OR52A1: variants seen among roughly 807,000 people sequenced by gnomAD.
OR52A1 encodes olfactory receptor 52A1.
In OR52A1, 14 loss-of-function variants were observed where a neutral mutation model predicts 14.3. That is an observed-to-expected ratio of 0.98 (90% confidence interval 0.65 to 1.54). The LOEUF (loss-of-function observed/expected upper bound fraction) is 1.54. Ranked by LOEUF, OR52A1 falls within the 40% of genes most tolerant of loss-of-function variation. The pLI, the probability that OR52A1 is intolerant of heterozygous loss-of-function variation, is 0.00. For synonymous variants in OR52A1, 151 were observed against 135.3 expected, an observed-to-expected ratio of 1.12 and a Z score of -0.80; for missense variants, 405 against 381.3, an observed-to-expected ratio of 1.06 and a Z score of -0.52.
In OR52A1 at chr11:5,147,742, G is replaced by A. The variant is rs1310821950; in HGVS notation, c.*3689C>T. The A allele has an allele frequency of 2.6e-5, 4 of 151,590 alleles. No individual in the cohort carries two copies. The highest frequency in any genetic ancestry group is 5.9e-5 in the Non-Finnish European group (4 of 67,936). The allele number at this position is 151,590 out of a possible 1,614,324, so 9.4% of individuals were successfully genotyped here. On this transcript the variant is annotated 3_prime_UTR_variant, in exon 2 of 2. Coordinates refer to ENST00000380367, the MANE Select transcript of OR52A1 (RefSeq NM_012375.3). ...AAGAATCCTTATTAATACAAATTCT[G>A]AGCAATTTTAGAAATTATAAATAGA...
In OR52A1 at chr11:5,150,539, C is replaced by A. The variant is rs1221883639; in HGVS notation, c.*892G>T. 6.6e-6 allele frequency: 1 copy of A among 152,110 alleles called. No individual in the cohort carries two copies. Among genetic ancestry groups the A allele is most frequent in the Non-Finnish European group, 1.5e-5 (1 of 68,018 alleles). The allele number at this position is 152,110 out of a possible 1,614,324, so 9.4% of individuals were successfully genotyped here. ...TCAAGAATCAGAGGTAACTACCTAA[C>A]CAAAAAACAAAATACAATAAATGCA... is the stretch of plus-strand genomic sequence containing the variant. On this transcript the variant is annotated 3_prime_UTR_variant, in exon 2 of 2. Coordinates refer to ENST00000380367, the MANE Select transcript of OR52A1 (RefSeq NM_012375.3).
Position 5,146,856 on chromosome 11 carries a change from G to A in OR52A1, c.*4575C>T, listed in dbSNP as rs555817191. On this transcript the variant is annotated 3_prime_UTR_variant, in exon 2 of 2. Coordinates refer to ENST00000380367, the MANE Select transcript of OR52A1 (RefSeq NM_012375.3). ...ATGTTAGTCTCAGACCTTGCATGGAGGCGACCACAGTTACTGTCCTCTGTT... is the reference window on the plus strand; with the variant it reads ...ATGTTAGTCTCAGACCTTGCATGGAAGCGACCACAGTTACTGTCCTCTGTT... 6.6e-6 allele frequency: 1 copy of A among 152,292 alleles called. No homozygotes were observed. The highest frequency in any genetic ancestry group is 1.9e-4 in the East Asian group (1 of 5,190). 9.4% of individuals were successfully genotyped at this position (152,292 alleles called of 1,614,324 possible). A position where few individuals can be genotyped will look rare whatever the true frequency, so the allele number is the denominator to read the frequency against.
rs1051730090 is a variant in OR52A1, at chr11:5,151,264, A to T, written c.*167T>A. 4.0e-5 allele frequency: 24 copies of T among 606,438 alleles called. No homozygotes were observed. Among genetic ancestry groups the T allele is most frequent in the Non-Finnish European group, 5.8e-6 (2 of 343,268 alleles). The allele number at this position is 606,438 out of a possible 1,614,324, so 37.6% of individuals were successfully genotyped here. ...CACTTCTCACTTTCATTAGTCACGT[A>T]GAATTCACAATCCCACTGATTGATA... On this transcript the variant is annotated 3_prime_UTR_variant, in exon 2 of 2. Coordinates refer to ENST00000380367, the MANE Select transcript of OR52A1 (RefSeq NM_012375.3).
rs1268736651 is a variant in OR52A1, at chr11:5,149,006, A to G, written c.*2425T>C. The G allele has an allele frequency of 6.6e-6, 1 of 152,160 alleles. No individual in the cohort carries two copies. The highest frequency in any genetic ancestry group is 1.5e-5 in the Non-Finnish European group (1 of 68,024). 9.4% of individuals were successfully genotyped at this position (152,160 alleles called of 1,614,324 possible). ...GAAGTTAATTTTATGATTTCTAGAA[A>G]CCTTTCTTGAAAATTATCCTTACAA... On this transcript the variant is annotated 3_prime_UTR_variant, in exon 2 of 2. Coordinates refer to ENST00000380367, the MANE Select transcript of OR52A1 (RefSeq NM_012375.3).
In OR52A1 at chr11:5,148,937, G is replaced by A. The variant is rs61400392; in HGVS notation, c.*2494C>T. On this transcript the variant is annotated 3_prime_UTR_variant, in exon 2 of 2. Transcript: ENST00000380367. ...ATAACTAGTGTTGTTAAGAATTTAGGCAAACATTATTTTAGTCATTGTTGA... is the reference window on the plus strand; with the variant it reads ...ATAACTAGTGTTGTTAAGAATTTAGACAAACATTATTTTAGTCATTGTTGA... 4.8e-3 allele frequency: 732 copies of A among 152,232 alleles called. 6 individuals carry two copies. Among genetic ancestry groups the A allele is most frequent in the African/African-American group, 0.017 (699 of 41,510 alleles). 9.4% of individuals were successfully genotyped at this position (152,232 alleles called of 1,614,324 possible).
rs758818626 is a variant in OR52A1 at position 5,152,091 on chromosome 11, TTCAGGCAC to T, written c.271_278del (p.Val91AsnfsTer4). On this transcript the variant is annotated frameshift_variant, in exon 2 of 2. Coordinates refer to ENST00000380367, the MANE Select transcript of OR52A1 (RefSeq NM_012375.3). LOFTEE classifies it high-confidence loss of function. ...GAAGCAAGCAGGAATCAAAATAGAT[TTCAGGCAC>T]ATTAAACCAGAATATTCCAAGCATC... is the stretch of plus-strand genomic sequence containing the variant. 2 of 1,614,052 alleles carry T rather than the reference TTCAGGCAC, an allele frequency of 1.2e-6. No homozygotes were observed. Among genetic ancestry groups the T allele is most frequent in the African/African-American group, 2.7e-5 (2 of 75,046 alleles).
chr11:5,151,794 T>C lies in OR52A1; in HGVS notation c.576A>G (p.Ala192=). 1.2e-6 allele frequency: 2 copies of C among 1,614,224 alleles called. No individual in the cohort carries two copies. The change falls in exon 2 of 2, where the codon GCA becomes GCG. Residue 192 remains alanine, a synonymous_variant. Coordinates refer to ENST00000380367, the MANE Select transcript of OR52A1 (RefSeq NM_012375.3). The part of the protein sequence containing the change: ...CEHMAIVKLA[A]ANVQVNKIYG... ...AGATTTTGTTGACTTGAACATTTGC[T>C]GCTGCTAGTTTCACAATGGCCATAT...
In OR52A1 at chr11:5,147,200, G is replaced by C. The variant is rs1390286843; in HGVS notation, c.*4231C>G. Reference sequence around the variant, plus strand: ...TATTCTTTAGTAACTTGTAAACCATGATGTTGAGTCTCTGGTGTGGGGAGG... The same window carrying C: ...TATTCTTTAGTAACTTGTAAACCATCATGTTGAGTCTCTGGTGTGGGGAGG... On this transcript the variant is annotated 3_prime_UTR_variant, in exon 2 of 2. Transcript: ENST00000380367. The C allele has an allele frequency of 7.0e-6, 1 of 143,684 alleles. No homozygotes were observed. Among genetic ancestry groups the C allele is most frequent in the East Asian group, 2.1e-4 (1 of 4,808 alleles). The allele number at this position is 143,684 out of a possible 1,614,324, so 8.9% of individuals were successfully genotyped here.
In OR52A1 at chr11:5,151,681, C is replaced by T. The variant is rs149615083; in HGVS notation, c.689G>A (p.Arg230His). 7.2e-5 allele frequency: 117 copies of T among 1,614,046 alleles called. No individual in the cohort carries two copies. The African/African-American group carries it at 8.9e-4, about 12-fold the overall frequency. ...SYIQIFITVF[R>H]LPQKEARFKA... ...AAACCTAGCCTCCTTCTGGGGCAAA[C>T]GAAAAACTGTGATAAATATCTGGAT... The change falls in exon 2 of 2, where the codon CGT becomes CAT. Residue 230 changes from arginine to histidine, a missense_variant. Transcript: ENST00000380367.
Position 5,150,214 on chromosome 11 carries a change from ACAC to A in OR52A1, c.*1214_*1216del, listed in dbSNP as rs1846524856. The A allele has an allele frequency of 7.2e-5, 1 of 13,856 alleles. No individual in the cohort carries two copies. The highest frequency in any genetic ancestry group is 2.8e-4 in the Non-Finnish European group (1 of 3,632). The allele number at this position is 13,856 out of a possible 1,614,324, so 0.9% of individuals were successfully genotyped here. ...GGTATGCTGCCACATGCCCAAGCAGACACACACACACACACACACACACACACA... is the reference window on the plus strand; with the variant it reads ...GGTATGCTGCCACATGCCCAAGCAGAACACACACACACACACACACACACA... On this transcript the variant is annotated 3_prime_UTR_variant, in exon 2 of 2. Transcript: ENST00000380367.
chr11:5,152,422 C>T lies in OR52A1; in HGVS notation c.-53G>A, dbSNP rs891060560. 1.1e-5 allele frequency: 14 copies of T among 1,285,270 alleles called. No individual in the cohort carries two copies. Among genetic ancestry groups the T allele is most frequent in the South Asian group, 7.2e-5 (5 of 69,188 alleles). The allele number at this position is 1,285,270 out of a possible 1,614,324, so 79.6% of individuals were successfully genotyped here. A position where few individuals can be genotyped will look rare whatever the true frequency, so the allele number is the denominator to read the frequency against. On this transcript the variant is annotated 5_prime_UTR_variant, in exon 2 of 2. Transcript: ENST00000380367. ...AAAAGAAGTTTCTCAGTCAGTGTTA[C>T]TGTTCCTCTTCTGCTTTCTGATTTT...
In OR52A1 at chr11:5,152,022, G is replaced by A; in HGVS notation, c.348C>T (p.Ile116=). Residue 116 remains isoleucine (I), a synonymous_variant, in exon 2 of 2, where the codon ATC becomes ATT. Coordinates refer to ENST00000380367, the MANE Select transcript of OR52A1 (RefSeq NM_012375.3). ...IHTLQGIESG[I]LVAMALDRYV... is the part of the protein sequence containing the mutation. ...AACGGTCCAGGGCCATGGCCACAAG[G>A]ATGCCTGACTCTATACCCTGCAATG... 4 of 1,614,112 alleles carry A rather than the reference G, an allele frequency of 2.5e-6. No homozygotes were observed. Among genetic ancestry groups the A allele is most frequent in the Non-Finnish European group, 3.4e-6 (4 of 1,179,986 alleles).
In OR52A1 at chr11:5,149,291, T is replaced by C. The variant is rs1018030391; in HGVS notation, c.*2140A>G. On this transcript the variant is annotated 3_prime_UTR_variant, in exon 2 of 2. Coordinates refer to ENST00000380367, the MANE Select transcript of OR52A1 (RefSeq NM_012375.3). ...ATTCGGAGATGGTGCAAATATGTTGTAGTTTCACATTGTGTCTCTTTGTTG... is the reference window on the plus strand; with the variant it reads ...ATTCGGAGATGGTGCAAATATGTTGCAGTTTCACATTGTGTCTCTTTGTTG... 6.6e-6 allele frequency: 1 copy of C among 152,336 alleles called. No individual in the cohort carries two copies. Among genetic ancestry groups the C allele is most frequent in the African/African-American group, 2.4e-5 (1 of 41,584 alleles). 9.4% of individuals were successfully genotyped at this position (152,336 alleles called of 1,614,324 possible).
chr11:5,154,316 A>G (rs1309044669), intron 1 of OR52A1, 131 bp downstream of exon 1: 2 of 152,184 alleles, frequency 1.3e-5, no homozygotes, highest in Non-Finnish European at 2.9e-5. Context: ...AGAAGCTGGT[A>G]ATTAAATTAT....
At position 5,154,691 on chromosome 11, in the gene OR52A1, T is replaced by C. The variant is rs966554909; in HGVS notation, c.-566A>G. Reference sequence around the variant, plus strand: ...TTCTGGAAGTCTGTCTCAGACCATCTTTGTGTGCTCATCCCCCAGTAAAAC... The same window carrying C: ...TTCTGGAAGTCTGTCTCAGACCATCCTTGTGTGCTCATCCCCCAGTAAAAC... On this transcript the variant is annotated 5_prime_UTR_variant, in exon 1 of 2. Transcript: ENST00000380367. 5 of 152,220 alleles carry C rather than the reference T, an allele frequency of 3.3e-5. No homozygotes were observed. In the South Asian group the frequency reaches 8.3e-4, roughly 25 times the overall value. 9.4% of individuals were successfully genotyped at this position (152,220 alleles called of 1,614,324 possible). A position where few individuals can be genotyped will look rare whatever the true frequency, so the allele number is the denominator to read the frequency against.
At position 5,152,274 on chromosome 11, in the gene OR52A1, T is replaced by C. The variant is rs754284178; in HGVS notation, c.96A>G (p.Pro32=). The C allele has an allele frequency of 1.3e-5, 21 of 1,614,016 alleles. No individual in the cohort carries two copies. The African/African-American group carries it at 2.0e-4, about 15-fold the overall frequency. Residue 32 remains proline (P), a synonymous_variant, in exon 2 of 2, where the codon CCA becomes CCG. Coordinates refer to ENST00000380367, the MANE Select transcript of OR52A1 (RefSeq NM_012375.3). ...LESVQCWIGI[P]FCAIYLIAMI... ...TAGCAATGAGATAAATGGCACAGAA[T>C]GGAATCCCAATCCAGCACTGCACAG...
In OR52A1 at chr11:5,147,064, C is replaced by G. The variant is rs1846488038; in HGVS notation, c.*4367G>C. The stretch of plus-strand genomic sequence containing the variant: ...TGACAGCATTCTGCTTAAGATTACT[C>G]TACATTTCTAGATTAAATTTAAGGA... On this transcript the variant is annotated 3_prime_UTR_variant, in exon 2 of 2. Coordinates refer to ENST00000380367, the MANE Select transcript of OR52A1 (RefSeq NM_012375.3). 6.6e-6 allele frequency: 1 copy of G among 152,186 alleles called. No individual in the cohort carries two copies. The highest frequency in any genetic ancestry group is 2.1e-4 in the South Asian group (1 of 4,832). 9.4% of individuals were successfully genotyped at this position (152,186 alleles called of 1,614,324 possible). A position where few individuals can be genotyped will look rare whatever the true frequency, so the allele number is the denominator to read the frequency against.
At chr11:5,152,862 G>T (rs370264566) in intron 1 of OR52A1, among the ~76,000 whole-genome samples, 172 bp from the exon 2 acceptor site, 21 of 152,150 alleles carry the variant, frequency 1.4e-4, no homozygotes, top group African/African-American at 4.8e-4. Context: ...CAGTACATTG[G>T]TGTAAAAGAT....
Position 5,151,668 on chromosome 11 carries a change from C to T in OR52A1, c.702G>A (p.Lys234=). ...IFITVFRLPQ[K]EARFKAFNTC... is the part of the protein sequence containing the mutation. ...TATTGAATGCTTTAAACCTAGCCTC[C>T]TTCTGGGGCAAACGAAAAACTGTGA... Residue 234 remains lysine, a synonymous_variant, in exon 2 of 2, where the codon AAG becomes AAA. Coordinates refer to ENST00000380367, the MANE Select transcript of OR52A1 (RefSeq NM_012375.3). 6.2e-7 allele frequency: 1 copy of T among 1,614,160 alleles called. No individual in the cohort carries two copies. Among genetic ancestry groups the T allele is most frequent in the Non-Finnish European group, 8.5e-7 (1 of 1,180,036 alleles).
Sources: gnomAD v4.1 joint callset for allele counts (sites outside exome capture counted in the v4.1 genomes callset) on GRCh38, gnomAD v4.1.1 for gene constraint, MANE v1.5 for transcripts, NCBI Gene and HGNC (gene_info 2026-07-23, HGNC 2026-07-21) for gene names.